The following LIPN variants were observed in gnomAD, a reference collection of about 807,000 sequenced individuals.
LIPN encodes the protein lipase member N.
In LIPN, 32 loss-of-function variants were observed where a neutral mutation model predicts 43.7. The ratio of observed to expected loss-of-function variants is 0.73; its 90% confidence interval spans 0.55 to 0.98. The LOEUF (loss-of-function observed/expected upper bound fraction) is 0.98. LIPN is among the 50% of genes least tolerant of loss of function. The pLI is 0.00. For missense variants in LIPN, 505 were observed against 483.8 expected, an observed-to-expected ratio of 1.04 and a Z score of -0.41; for synonymous variants, 156 against 157.6, an observed-to-expected ratio of 0.99 and a Z score of 0.08.
intron 1 of LIPN, among the ~76,000 whole-genome samples, chr10:88,760,821 A>G (rs543300232): frequency 6.6e-6 from 1 of 152,146 alleles, no homozygotes; most frequent in African/African-American, 2.4e-5. Flanking sequence ...TTAGTGTTAT[A>G]GTGTTGGTCT....
At chr10:88,763,624 T>C (rs1473822034) in intron 3 of LIPN, among the ~76,000 whole-genome samples, 3 of 152,034 alleles carry the variant, frequency 2.0e-5, no homozygotes, top group Non-Finnish European at 4.4e-5. Context: ...CAGACCAGAA[T>C]TTAAGCCCAG....
rs143683523 is a variant in LIPN, at chr10:88,778,495, TAA to T, written c.*254_*255del. The stretch of plus-strand genomic sequence containing the variant: ...ACAAGTTGCTACTCTATCTGGCATT[TAA>T]GTCTAATTAAATTGTAATTTTTAGG... On this transcript the variant is annotated 3_prime_UTR_variant, in exon 10 of 10. Transcript: ENST00000404459. 5.8e-3 allele frequency among the ~76,000 whole-genome samples: 887 copies of T among 152,300 alleles called. 5 individuals are homozygous for T. The highest frequency in any genetic ancestry group is 0.018 in the African/African-American group (733 of 41,572).
intron 9 of LIPN, 28 bp downstream of exon 9, chr10:88,775,191 G>T: frequency 7.0e-7 from 1 of 1,429,468 alleles, no homozygotes. Context: ...ACCCCAGCAT[G>T]CTGATTTTGA....
chr10:88,768,955 T>A, intron 6 of LIPN, 27 bp downstream of exon 6: 1 of 1,597,562 alleles, frequency 6.3e-7, no homozygotes. Flanking sequence ...AAAATGTACC[T>A]GAGGATCTCA....
In LIPN at chr10:88,766,388, TGAGG is replaced by T. The variant is rs766964580; in HGVS notation, c.535+12_535+15del. On this transcript the variant is annotated intron_variant, in intron 5 of 9. Transcript: ENST00000404459. The stretch of plus-strand genomic sequence containing the variant: ...CTTGGCACTACAATAGGTATGTTTA[TGAGG>T]GTCACTGTTAGGTGTGTTTTTGAGG... The T allele has an allele frequency of 4.1e-6, 6 of 1,467,068 alleles. No individual in the cohort carries two copies. Among genetic ancestry groups the T allele is most frequent in the Non-Finnish European group, 5.7e-6 (6 of 1,047,284 alleles). 90.9% of individuals were successfully genotyped at this position (1,467,068 alleles called of 1,614,324 possible).
upstream of LIPN, among the ~76,000 whole-genome samples, chr10:88,757,401 C>T (rs1007925745): frequency 5.3e-5 from 8 of 152,072 alleles, no homozygotes; most frequent in Non-Finnish European, 1.2e-4. Context: ...GGACAGCTGC[C>T]GGCACTCTTG....
chr10:88,778,656 A>T lies in LIPN; in HGVS notation c.*414A>T, dbSNP rs1564587174. The stretch of plus-strand genomic sequence containing the variant: ...GCAATGGACAGAGTGTGGGATTAGG[A>T]GGAGGGCCTGTAACTTCTTTATAAA... On this transcript the variant is annotated 3_prime_UTR_variant, in exon 10 of 10. Coordinates refer to ENST00000404459, the MANE Select transcript of LIPN (RefSeq NM_001102469.2). 1.3e-5 allele frequency among the ~76,000 whole-genome samples: 2 copies of T among 152,136 alleles called. No individual in the cohort carries two copies. The highest frequency in any genetic ancestry group is 4.8e-5 in the African/African-American group (2 of 41,430).
chr10:88,769,928 T>C (rs1843176670), intron 6 of LIPN, among the ~76,000 whole-genome samples: 1 of 151,884 alleles, frequency 6.6e-6, no homozygotes, highest in African/African-American at 2.4e-5. Flanking sequence ...TTTTCTATAT[T>C]TGGACAGTGT....
At chr10:88,768,015 T>TACACACATACACAC (rs1370426410) in intron 5 of LIPN, among the ~76,000 whole-genome samples, 64 of 141,062 alleles carry the variant, frequency 4.5e-4, no homozygotes, top group African/African-American at 1.4e-3. Flanking sequence ...AGTGTTTCAG[T>TACACACATACACAC]ACACACACAC....
intron 5 of LIPN, among the ~76,000 whole-genome samples, chr10:88,767,075 G>C (rs61854005): frequency 0.021 from 3,168 of 151,966 alleles, 43 homozygotes; most frequent in Non-Finnish European, 0.032. Flanking sequence ...CTAGTTCCAA[G>C]TAAAAGTTGA....
rs902291998 is a variant in LIPN at position 88,779,491 on chromosome 10, G to T, written c.*1249G>T. Among the ~76,000 whole-genome samples the T allele has an allele frequency of 2.0e-5, 3 of 152,068 alleles. No individual in the cohort carries two copies. Among genetic ancestry groups the T allele is most frequent in the Non-Finnish European group, 4.4e-5 (3 of 67,980 alleles). On this transcript the variant is annotated 3_prime_UTR_variant, in exon 10 of 10. Transcript: ENST00000404459. ...ATGATATAATGTTATGTGAAGAGGAGAAAATGAAACTGGTAGAACTATGTG... is the reference window on the plus strand; with the variant it reads ...ATGATATAATGTTATGTGAAGAGGATAAAATGAAACTGGTAGAACTATGTG...
chr10:88,765,996 C>A (rs1220205339), intron 4 of LIPN, among the ~76,000 whole-genome samples: 1 of 151,730 alleles, frequency 6.6e-6, no homozygotes, highest in African/African-American at 2.4e-5. Context: ...CAAAGAAAAG[C>A]AAGAGAAGGG....
intron 5 of LIPN, among the ~76,000 whole-genome samples, chr10:88,768,392 C>A (rs1843147024): frequency 6.6e-6 from 1 of 151,828 alleles, no homozygotes. Flanking sequence ...ATCAATTCAC[C>A]TCCTGTGACT....
chr10:88,760,790 C>T (rs530559493), intron 1 of LIPN, among the ~76,000 whole-genome samples: 1 of 152,066 alleles, frequency 6.6e-6, no homozygotes, highest in African/African-American at 2.4e-5. Flanking sequence ...GACTGTAGCA[C>T]TTATATGATG....
chr10:88,768,701 G>A (rs984591280), intron 5 of LIPN, 91 bp from the exon 6 acceptor site: 1 of 1,050,374 alleles, frequency 9.5e-7, no homozygotes, highest in Non-Finnish European at 1.4e-6. Flanking sequence ...CACGATAGAA[G>A]GAAAAAATGA....
At position 88,778,117 on chromosome 10, in the gene LIPN, C is replaced by T; in HGVS notation, c.1072C>T (p.Gln358Ter). The change falls in exon 10 of 10, where the codon CAA becomes TAA. Residue 358 changes from glutamine (Q) to a stop codon, truncating the protein, a stop_gained. Coordinates refer to ENST00000404459, the MANE Select transcript of LIPN (RefSeq NM_001102469.2). LOFTEE classifies it high-confidence loss of function. ...TPQDVARILP[Q>*]IKSLHYFKLL... ...CCAGGATGTGGCCAGGATACTCCCT[C>T]AAATCAAGAGTCTTCATTACTTTAA... is the stretch of plus-strand genomic sequence containing the variant. 1.9e-6 allele frequency: 3 copies of T among 1,613,628 alleles called. No individual in the cohort carries two copies. Among genetic ancestry groups the T allele is most frequent in the Non-Finnish European group, 2.5e-6 (3 of 1,179,736 alleles).
Position 88,766,509 on chromosome 10 carries a change from G to A in LIPN, c.535+131G>A, listed in dbSNP as rs955400202. 5 of 691,172 alleles carry A rather than the reference G, an allele frequency of 7.2e-6. No homozygotes were observed. The African/African-American group carries it at 8.9e-5, about 12-fold the overall frequency. 42.8% of individuals were successfully genotyped at this position (691,172 alleles called of 1,614,324 possible). A position where few individuals can be genotyped will look rare whatever the true frequency, so the allele number is the denominator to read the frequency against. Reference sequence around the variant, plus strand: ...TGCCCTCAATTCCCTGTCCTCTGCTGGGAATAACCCTAGTACTCTAAGTAG... The same window carrying A: ...TGCCCTCAATTCCCTGTCCTCTGCTAGGAATAACCCTAGTACTCTAAGTAG... On this transcript the variant is annotated intron_variant, in intron 5 of 9. Transcript: ENST00000404459.
At chr10:88,757,835 A>G (rs1160984556), upstream of LIPN, among the ~76,000 whole-genome samples, 2 of 152,166 alleles carry the variant, frequency 1.3e-5, no homozygotes, top group African/African-American at 4.8e-5. Flanking sequence ...TTATGGTTCT[A>G]TTGAGCACTG....
chr10:88,769,811 A>G (rs1253292558), intron 6 of LIPN, among the ~76,000 whole-genome samples: 2 of 151,896 alleles, frequency 1.3e-5, no homozygotes, highest in South Asian at 2.1e-4. Context: ...ATGGTCTGAT[A>G]ATAGTTTTAT....
Sources: allele counts gnomAD v4.1 joint callset (sites outside exome capture counted in the v4.1 genomes callset), GRCh38; gene constraint gnomAD v4.1.1; transcripts MANE v1.5; gene names NCBI Gene and HGNC (gene_info 2026-07-23, HGNC 2026-07-21).